LRP1B: variants seen among roughly 807,000 people sequenced by gnomAD.
LRP1B encodes low-density lipoprotein receptor-related protein 1B.
A neutral mutation model predicts 556.6 loss-of-function variants in LRP1B; 217 were observed. The ratio of observed to expected loss-of-function variants is 0.39; its 90% CI spans 0.35 to 0.44. LRP1B has a LOEUF of 0.44. Ranked by LOEUF, LRP1B falls within the 20% of genes least tolerant of loss-of-function variation. The probability of loss-of-function intolerance (pLI) is 1.00; values close to 1 mark genes in which losing one functional copy is unlikely to be tolerated. For synonymous variants in LRP1B, 2,047 were observed against 1,865.8 expected (o/e 1.10, Z -2.50); for missense variants, 5,053 against 5,620.8 (o/e 0.90, Z 3.23).
chr2:141,434,846 A>G (rs754175396), intron 3 of LRP1B, among the ~76,000 whole-genome samples: 21 of 152,300 alleles, frequency 1.4e-4, no homozygotes, highest in South Asian at 8.3e-4. Flanking sequence ...AACTTCTGAT[A>G]TCCCTACTCA....
At chr2:141,710,832 G>C (rs1430491436) in intron 2 of LRP1B, among the ~76,000 whole-genome samples, 1 of 152,170 alleles carries the variant, frequency 6.6e-6, no homozygotes, top group Non-Finnish European at 1.5e-5. Context: ...ATTAACTTGA[G>C]AGCTTAGCCA....
At chr2:140,275,419 C>T (rs575657000) in intron 84 of LRP1B, among the ~76,000 whole-genome samples, 11 of 152,054 alleles carry the variant, frequency 7.2e-5, no homozygotes, top group Non-Finnish European at 1.3e-4. Flanking sequence ...CTTGTAATGA[C>T]GGTCTCAATC....
chr2:141,589,667 T>C (rs1687268023), intron 2 of LRP1B, among the ~76,000 whole-genome samples: 1 of 152,196 alleles, frequency 6.6e-6, no homozygotes, highest in Non-Finnish European at 1.5e-5. Flanking sequence ...CTTAGTTGCA[T>C]GGACTTTGTG....
chr2:142,033,961 G>T (rs1478038412), intron 1 of LRP1B, among the ~76,000 whole-genome samples: 1 of 151,712 alleles, frequency 6.6e-6, no homozygotes, highest in African/African-American at 2.4e-5. Flanking sequence ...TGATCCAGAG[G>T]CATCACATGA....
At chr2:141,792,744 G>A (rs1385914553) in intron 2 of LRP1B, among the ~76,000 whole-genome samples, 1 of 151,952 alleles carries the variant, frequency 6.6e-6, no homozygotes. Context: ...GGGAACCAAC[G>A]TGGTCTCAGA....
At chr2:141,121,996 T>C (rs1323820933) in intron 7 of LRP1B, among the ~76,000 whole-genome samples, 1 of 152,054 alleles carries the variant, frequency 6.6e-6, no homozygotes, top group Non-Finnish European at 1.5e-5. Context: ...AAACAAGAAA[T>C]GGGGAAAGGA....
chr2:140,837,782 G>A (rs755497023), intron 31 of LRP1B, among the ~76,000 whole-genome samples: 5 of 150,090 alleles, frequency 3.3e-5, no homozygotes, highest in South Asian at 2.1e-4. Context: ...ACACACCACC[G>A]GGGACTGTTG....
intron 15 of LRP1B, among the ~76,000 whole-genome samples, chr2:141,000,107 C>G (rs896250610): frequency 4.6e-5 from 7 of 151,514 alleles, no homozygotes; most frequent in African/African-American, 1.5e-4. Context: ...TTTCAAGACA[C>G]AAGATCTCAC....
chr2:141,017,125 T>C (rs1697921641), intron 12 of LRP1B, among the ~76,000 whole-genome samples: 1 of 152,126 alleles, frequency 6.6e-6, no homozygotes. Context: ...GAAATATTTC[T>C]ATATTGTATC....
intron 3 of LRP1B, among the ~76,000 whole-genome samples, chr2:141,473,409 C>G (rs1682555629): frequency 6.6e-6 from 1 of 152,092 alleles, no homozygotes; most frequent in South Asian, 2.1e-4. Context: ...TATAGAAGTT[C>G]TATTCTTTCT....
At chr2:140,680,065 C>T (rs566557841) in intron 41 of LRP1B, among the ~76,000 whole-genome samples, 48 of 152,114 alleles carry the variant, frequency 3.2e-4, no homozygotes, top group Middle Eastern at 6.8e-3. Flanking sequence ...AAAGATTGGA[C>T]ACCCTACGTC....
intron 21 of LRP1B, 106 bp from the exon 22 acceptor site, chr2:140,908,183 CA>C: frequency 1.3e-6 from 1 of 750,090 alleles, no homozygotes. Flanking sequence ...TTGTCTTTAG[CA>C]AAAGAAAACA....
chr2:141,519,661 C>A (rs939681479), intron 2 of LRP1B, among the ~76,000 whole-genome samples: 1 of 151,756 alleles, frequency 6.6e-6, no homozygotes, highest in Non-Finnish European at 1.5e-5. Context: ...GCTGGAAAAT[C>A]TTGAAAGCCA....
chr2:140,625,667 C>T (rs1322495741), intron 41 of LRP1B, among the ~76,000 whole-genome samples: 1 of 152,126 alleles, frequency 6.6e-6, no homozygotes, highest in African/African-American at 2.4e-5. Flanking sequence ...AACTGCAAAT[C>T]AAAACAACAA....
chr2:141,994,892 C>T (rs1702446670), intron 1 of LRP1B, among the ~76,000 whole-genome samples: 1 of 152,070 alleles, frequency 6.6e-6, no homozygotes, highest in Admixed American at 6.6e-5. Context: ...TATCCTACAG[C>T]TGCCTTTTTC....
chr2:140,311,289 G>A (rs548954058), intron 83 of LRP1B, among the ~76,000 whole-genome samples: 17 of 151,798 alleles, frequency 1.1e-4, no homozygotes, highest in East Asian at 1.9e-4. Context: ...CGTGTTCAGC[G>A]AATGACTGAC....
intron 2 of LRP1B, among the ~76,000 whole-genome samples, chr2:141,758,938 A>G (rs9287324): frequency 0.5 from 75,513 of 151,896 alleles, 19,103 homozygotes; most frequent in Admixed American, 0.56. Context: ...TTCATGAATC[A>G]AATGTTCAAA....
intron 4 of LRP1B, among the ~76,000 whole-genome samples, chr2:141,247,643 C>T (rs1274926609): frequency 6.6e-6 from 1 of 152,128 alleles, no homozygotes; most frequent in African/African-American, 2.4e-5. Context: ...GTACAAAATG[C>T]ACTCCAATTA....
intron 23 of LRP1B, among the ~76,000 whole-genome samples, chr2:140,889,768 G>A (rs1693743836): frequency 6.6e-6 from 1 of 152,198 alleles, no homozygotes; most frequent in African/African-American, 2.4e-5. Flanking sequence ...TTTGACCCAT[G>A]ATGGTAGCTA....
Sources: allele counts gnomAD v4.1 joint callset (sites outside exome capture counted in the v4.1 genomes callset), GRCh38; gene constraint gnomAD v4.1.1; transcripts MANE v1.5; gene names NCBI Gene and HGNC (gene_info 2026-07-23, HGNC 2026-07-21).